Variants in ZNF385B observed in about 807,000 individuals in gnomAD.
ZNF385B encodes zinc finger protein 385B, also known as zinc finger protein 533.
Under a neutral mutation model 39.2 loss-of-function variants are expected in ZNF385B, and 23 were observed. That is an observed-to-expected ratio of 0.59 (90% CI 0.42 to 0.83). The LOEUF is 0.83. ZNF385B is among the 40% of genes least tolerant of loss of function. The probability of loss-of-function intolerance (pLI) is 0.00; values close to 1 mark genes in which losing one functional copy is unlikely to be tolerated. For synonymous variants in ZNF385B, 205 were observed against 222.6 expected (o/e 0.92, Z 0.70); for missense variants, 552 against 598.9 (o/e 0.92, Z 0.82).
chr2:179,607,114 G>A (rs1163254711), intron 3 of ZNF385B, among the ~76,000 whole-genome samples: 1 of 152,184 alleles, frequency 6.6e-6, no homozygotes, highest in African/African-American at 2.4e-5. Flanking sequence ...ATAGACGTGT[G>A]CAGGGTGTGG....
At chr2:179,491,270 A>G (rs1288545003) in intron 5 of ZNF385B, among the ~76,000 whole-genome samples, 1 of 152,216 alleles carries the variant, frequency 6.6e-6, no homozygotes, top group South Asian at 2.1e-4. Flanking sequence ...AAATTATATT[A>G]CAATTTTAGA....
chr2:179,492,702 G>T (rs967012255), intron 5 of ZNF385B, among the ~76,000 whole-genome samples: 1 of 151,872 alleles, frequency 6.6e-6, no homozygotes, highest in Admixed American at 6.6e-5. Flanking sequence ...TCACAAAACA[G>T]GTTTTTGTAA....
chr2:179,690,951 A>G (rs1394098065), intron 3 of ZNF385B, among the ~76,000 whole-genome samples: 1 of 152,194 alleles, frequency 6.6e-6, no homozygotes, highest in Non-Finnish European at 1.5e-5. Flanking sequence ...ACACTGATTT[A>G]GATCTAGAGG....
In ZNF385B at chr2:179,444,865, G is replaced by A. The variant is rs1247130518; in HGVS notation, c.1242+11C>T. The stretch of plus-strand genomic sequence containing the variant: ...CCCCACAAAACAGGTGAGCAGGTGA[G>A]GTAAACTTACTGCTAGAATACTCGG... On this transcript the variant is annotated intron_variant, in intron 9 of 9. Transcript: ENST00000410066. 1 of 1,610,744 alleles carries A rather than the reference G, an allele frequency of 6.2e-7. No homozygotes were observed. Among genetic ancestry groups the A allele is most frequent in the Non-Finnish European group, 8.5e-7 (1 of 1,176,966 alleles).
intron 1 of ZNF385B, among the ~76,000 whole-genome samples, chr2:179,836,498 AG>A (rs1270315835): frequency 6.9e-6 from 1 of 144,078 alleles, no homozygotes; most frequent in Non-Finnish European, 1.5e-5. Flanking sequence ...ATCTGAATCA[AG>A]GTTCTTGCGT....
At chr2:179,582,212 A>C (rs1368865598) in intron 3 of ZNF385B, among the ~76,000 whole-genome samples, 1 of 152,212 alleles carries the variant, frequency 6.6e-6, no homozygotes, top group Non-Finnish European at 1.5e-5. Flanking sequence ...GAAAATTAGA[A>C]CTGTGCAGTT....
At chr2:179,777,381 A>C (rs1704388902) in intron 1 of ZNF385B, among the ~76,000 whole-genome samples, 1 of 152,194 alleles carries the variant, frequency 6.6e-6, no homozygotes, top group South Asian at 2.1e-4. Flanking sequence ...TTTCATGAAA[A>C]AACAATTACA....
chr2:179,463,519 AC>A (rs2051604483), intron 6 of ZNF385B, among the ~76,000 whole-genome samples: 1 of 151,800 alleles, frequency 6.6e-6, no homozygotes, highest in South Asian at 2.1e-4. Context: ...CAACTCCCCA[AC>A]AGGCCCCAGA....
At chr2:179,810,860 G>A (rs1706688993) in intron 1 of ZNF385B, among the ~76,000 whole-genome samples, 1 of 152,012 alleles carries the variant, frequency 6.6e-6, no homozygotes, top group Non-Finnish European at 1.5e-5. Flanking sequence ...AATATAAGAA[G>A]TCAAACTGTC....
chr2:179,649,402 T>C (rs1291172329), intron 3 of ZNF385B, among the ~76,000 whole-genome samples: 1 of 152,196 alleles, frequency 6.6e-6, no homozygotes. Flanking sequence ...TTAGTAGTTG[T>C]ATAGGAGATT....
intron 1 of ZNF385B, chr2:179,796,064 A>G (rs904537664): frequency 6.6e-6 from 1 of 152,196 alleles, no homozygotes; most frequent in Non-Finnish European, 1.5e-5. Context: ...CCACAAAAAA[A>G]GGTGGGGAAA....
chr2:179,657,710 A>T (rs2106266208), intron 3 of ZNF385B, among the ~76,000 whole-genome samples: 1 of 152,364 alleles, frequency 6.6e-6, no homozygotes, highest in South Asian at 2.1e-4. Context: ...TAAATTAATA[A>T]GACAGTTGAT....
chr2:179,623,500 C>A (rs1222467893), intron 3 of ZNF385B, among the ~76,000 whole-genome samples: 2 of 152,116 alleles, frequency 1.3e-5, no homozygotes, highest in Non-Finnish European at 2.9e-5. Flanking sequence ...CCCCGTGAAT[C>A]CTGAACTAGT....
At chr2:179,486,289 G>A (rs1005239164) in intron 5 of ZNF385B, among the ~76,000 whole-genome samples, 1 of 152,114 alleles carries the variant, frequency 6.6e-6, no homozygotes, top group Non-Finnish European at 1.5e-5. Context: ...TTATTGGCCA[G>A]CACTTTACAA....
intron 1 of ZNF385B, among the ~76,000 whole-genome samples, chr2:179,856,972 C>T (rs953085183): frequency 2.6e-5 from 4 of 152,256 alleles, no homozygotes; most frequent in East Asian, 1.9e-4. Context: ...ATCTACTGCA[C>T]CTTGCTTCTC....
chr2:179,628,484 T>A (rs1039412902), intron 3 of ZNF385B, among the ~76,000 whole-genome samples: 1 of 152,192 alleles, frequency 6.6e-6, no homozygotes, highest in Non-Finnish European at 1.5e-5. Context: ...TGAAAATGGG[T>A]AGACCTAGAG....
At chr2:179,460,542 A>G (rs2051216830) in intron 6 of ZNF385B, among the ~76,000 whole-genome samples, 1 of 152,286 alleles carries the variant, frequency 6.6e-6, no homozygotes, top group Non-Finnish European at 1.5e-5. Context: ...CTTTTCTACA[A>G]TCCCTTACTG....
intron 3 of ZNF385B, among the ~76,000 whole-genome samples, chr2:179,767,237 G>A (rs1170101119): frequency 1.3e-5 from 2 of 152,136 alleles, no homozygotes; most frequent in African/African-American, 2.4e-5. Flanking sequence ...CTGTTAAGAC[G>A]ATGTATGTCC....
chr2:179,544,068 TG>T (rs1305648285), intron 4 of ZNF385B, among the ~76,000 whole-genome samples: 1 of 152,226 alleles, frequency 6.6e-6, no homozygotes, highest in Non-Finnish European at 1.5e-5. Context: ...TCACCTGAAC[TG>T]TGAACATTTT....
Sources: allele counts gnomAD v4.1 joint callset (sites outside exome capture counted in the v4.1 genomes callset), GRCh38; gene constraint gnomAD v4.1.1; transcripts MANE v1.5; gene names NCBI Gene and HGNC (gene_info 2026-07-23, HGNC 2026-07-21).